SPATA17: variants seen among roughly 807,000 people sequenced by gnomAD.
SPATA17 encodes spermatogenesis associated 17.
SPATA17 carries 53 observed loss-of-function variants against 62.2 expected under a neutral mutation model. The ratio of observed to expected loss-of-function variants is 0.85; its 90% CI spans 0.68 to 1.07. The LOEUF (loss-of-function observed/expected upper bound fraction) is 1.07. Ranked by LOEUF, SPATA17 falls within the 50% of genes least tolerant of loss-of-function variation. The pLI is 0.00. For missense variants in SPATA17, 466 were observed against 425.5 expected, an observed-to-expected ratio of 1.10 and a Z score of -0.84; for synonymous variants, 146 against 146.8, an observed-to-expected ratio of 0.99 and a Z score of 0.04.
chr1:217,850,712 C>A (rs929500309), intron 9 of SPATA17: 3 of 1,117,052 alleles, frequency 2.7e-6, no homozygotes, highest in Non-Finnish European at 3.9e-6. Context: ...CACGCTCACC[C>A]GACAAAGCCA....
In SPATA17 at chr1:217,774,461, A is replaced by C. The variant is rs1558045386; in HGVS notation, c.647A>C (p.Asp216Ala). ...VKQKDSTSLT[D>A]WLACTSARSF... ...CAGAAGGACTCCACCAGCCTTACTG[A>C]TTGGCTAGCTTGTACAAGCGCCCGT... Residue 216 changes from aspartate (D) to alanine (A), a missense_variant, in exon 7 of 11, where the codon GAT becomes GCT. Asp to Ala is a moderately radical substitution (Grantham distance 126). Coordinates refer to ENST00000366933, the MANE Select transcript of SPATA17 (RefSeq NM_138796.4). 6.2e-7 allele frequency: 1 copy of C among 1,614,104 alleles called. No individual in the cohort carries two copies. Among genetic ancestry groups the C allele is most frequent in the East Asian group, 2.2e-5 (1 of 44,860 alleles).
intron 3 of SPATA17, 111 bp from the exon 4 acceptor site, chr1:217,668,922 G>T: frequency 1.1e-6 from 1 of 932,674 alleles, no homozygotes; most frequent in South Asian, 1.5e-5. Context: ...TCTAAGGCTA[G>T]AACTCTTATT....
At chr1:217,850,553 C>A in intron 9 of SPATA17, 1 of 1,593,688 alleles carries the variant, frequency 6.3e-7, no homozygotes, top group South Asian at 1.1e-5. Context: ...GGATATTGGC[C>A]TTCACATTTT....
chr1:217,694,836 C>A (rs1304338685), intron 5 of SPATA17, among the ~76,000 whole-genome samples: 1 of 141,866 alleles, frequency 7.0e-6, no homozygotes, highest in African/African-American at 2.6e-5. Context: ...TCTCTTCTGG[C>A]TTGTAGGGTT....
At chr1:217,656,171 A>G (rs2102887493) in intron 3 of SPATA17, among the ~76,000 whole-genome samples, 1 of 152,314 alleles carries the variant, frequency 6.6e-6, no homozygotes, top group South Asian at 2.1e-4. Context: ...GGCATGAGTC[A>G]CTGCACCAGG....
chr1:217,641,743 T>G (rs908634582), intron 1 of SPATA17, among the ~76,000 whole-genome samples: 1 of 152,168 alleles, frequency 6.6e-6, no homozygotes, highest in Non-Finnish European at 1.5e-5. Flanking sequence ...GATGTCCCAT[T>G]GTGCCCCAAA....
intron 5 of SPATA17, among the ~76,000 whole-genome samples, chr1:217,705,225 T>A (rs1193406726): frequency 6.6e-6 from 1 of 152,098 alleles, no homozygotes; most frequent in East Asian, 1.9e-4. Flanking sequence ...TCTGTTCATG[T>A]CCTTTGCCCA....
At chr1:217,857,885 C>T (rs1343810307) in intron 9 of SPATA17, among the ~76,000 whole-genome samples, 1 of 152,164 alleles carries the variant, frequency 6.6e-6, no homozygotes, top group Non-Finnish European at 1.5e-5. Flanking sequence ...TTTATCTGTA[C>T]TATTGTCTGA....
chr1:217,749,943 T>TCC (rs1672858522), intron 6 of SPATA17, among the ~76,000 whole-genome samples: 1 of 41,456 alleles, frequency 2.4e-5, no homozygotes, highest in Admixed American at 3.1e-4. Flanking sequence ...TGTCATAAGA[T>TCC]TCTCTCTCTC....
chr1:217,760,577 A>G (rs527959067), intron 6 of SPATA17, among the ~76,000 whole-genome samples: 15 of 152,216 alleles, frequency 9.9e-5, no homozygotes, highest in African/African-American at 1.7e-4. Context: ...GAGGCATTCA[A>G]CCATACTTGA....
At chr1:217,817,219 G>A (rs1353922045) in intron 9 of SPATA17, among the ~76,000 whole-genome samples, 1 of 151,974 alleles carries the variant, frequency 6.6e-6, no homozygotes, top group African/African-American at 2.4e-5. Context: ...ATATGGTTTG[G>A]CTATGTCTCC....
At chr1:217,700,718 C>T (rs1441198788) in intron 5 of SPATA17, among the ~76,000 whole-genome samples, 3 of 151,572 alleles carry the variant, frequency 2.0e-5, no homozygotes, top group Non-Finnish European at 4.4e-5. Context: ...TGCCAATTAG[C>T]AGAGGCTACA....
chr1:217,683,014 G>A (rs1374756056), intron 4 of SPATA17, among the ~76,000 whole-genome samples: 1 of 151,642 alleles, frequency 6.6e-6, no homozygotes. Flanking sequence ...TATTCTGTGA[G>A]ATAATTATAA....
intron 8 of SPATA17, among the ~76,000 whole-genome samples, chr1:217,796,846 G>C (rs922591894): frequency 1.3e-5 from 2 of 152,128 alleles, no homozygotes; most frequent in East Asian, 3.8e-4. Flanking sequence ...CGGTAAAGAT[G>C]CTTTTTATTT....
At chr1:217,846,406 A>G (rs903664916) in intron 9 of SPATA17, among the ~76,000 whole-genome samples, 1 of 152,244 alleles carries the variant, frequency 6.6e-6, no homozygotes, top group South Asian at 2.1e-4. Flanking sequence ...CAATTCTTAC[A>G]TGTCTTTTCC....
intron 6 of SPATA17, among the ~76,000 whole-genome samples, chr1:217,766,614 T>A (rs925691091): frequency 3.9e-5 from 6 of 152,074 alleles, no homozygotes; most frequent in Admixed American, 3.9e-4. Context: ...TTAGATCAGT[T>A]AAGAATAATA....
chr1:217,633,674 G>A (rs1669871997), intron 1 of SPATA17, among the ~76,000 whole-genome samples: 1 of 152,214 alleles, frequency 6.6e-6, no homozygotes, highest in South Asian at 2.1e-4. Flanking sequence ...AATGGCTTGA[G>A]TGTACTGTCC....
At chr1:217,775,341 A>G (rs1226669624) in intron 7 of SPATA17, among the ~76,000 whole-genome samples, 1 of 152,084 alleles carries the variant, frequency 6.6e-6, no homozygotes, top group Non-Finnish European at 1.5e-5. Context: ...GCCTTATCAG[A>G]TACATGGTTT....
chr1:217,659,749 C>T (rs1280911173), intron 3 of SPATA17, among the ~76,000 whole-genome samples: 1 of 152,068 alleles, frequency 6.6e-6, no homozygotes, highest in Non-Finnish European at 1.5e-5. Context: ...TGCAATTCAA[C>T]CAGAAATCGA....
Sources: gnomAD v4.1 joint callset for allele counts (sites outside exome capture counted in the v4.1 genomes callset) on GRCh38, gnomAD v4.1.1 for gene constraint, MANE v1.5 for transcripts, NCBI Gene and HGNC (gene_info 2026-07-23, HGNC 2026-07-21) for gene names.